Variants in SLC26A8 observed in about 807,000 individuals in gnomAD.
SLC26A8 encodes solute carrier family 26 member 8, also known as testis anion transporter 1.
In SLC26A8, 70 loss-of-function variants were observed where a neutral mutation model predicts 105.0. The ratio of observed to expected loss-of-function variants is 0.67; its 90% CI spans 0.55 to 0.81. SLC26A8 has a LOEUF of 0.81. Among genes scored for constraint, SLC26A8 ranks in the 40% least tolerant of loss-of-function variants. The probability of loss-of-function intolerance (pLI) is 0.00; values close to 1 mark genes in which losing one functional copy is unlikely to be tolerated. For synonymous variants in SLC26A8, 415 were observed against 438.3 expected (o/e 0.95, Z 0.66); for missense variants, 998 against 1,181.8 (o/e 0.84, Z 2.28).
At position 35,955,299 on chromosome 6, in the gene SLC26A8, T is replaced by C; in HGVS notation, c.2085A>G (p.Pro695=). The change falls in exon 17 of 20, where the codon CCA becomes CCG. Residue 695 remains proline, a synonymous_variant. Transcript: ENST00000490799. ...LPNNSSRNSS[P]GLPDVAESQG... Reference sequence around the variant, plus strand: ...GGCTTTCCGCCACATCAGGCAGTCCTGGTGAGCTGTTTCTTGATGAGTTAT... The same window carrying C: ...GGCTTTCCGCCACATCAGGCAGTCCCGGTGAGCTGTTTCTTGATGAGTTAT... 1 of 1,614,220 alleles carries C rather than the reference T, an allele frequency of 6.2e-7. No individual in the cohort carries two copies. Among genetic ancestry groups the C allele is most frequent in the Non-Finnish European group, 8.5e-7 (1 of 1,180,038 alleles).
chr6:35,960,817 G>A, intron 14 of SLC26A8, 26 bp downstream of exon 14: 1 of 1,609,680 alleles, frequency 6.2e-7, no homozygotes, highest in Non-Finnish European at 8.5e-7. Context: ...CTTAGGCAGA[G>A]AAATGGGACC....
At chr6:35,975,945 A>G (rs1194399717) in intron 9 of SLC26A8, among the ~76,000 whole-genome samples, 1 of 151,892 alleles carries the variant, frequency 6.6e-6, no homozygotes, top group Non-Finnish European at 1.5e-5. Context: ...ATTAGAACAA[A>G]AGGATGGCAC....
intron 7 of SLC26A8, chr6:35,989,927 C>CTTTTTTTTTTTTTTTTTTTTTTTTTTTT (rs869306115): frequency 2.4e-5 from 2 of 84,572 alleles, no homozygotes; most frequent in African/African-American, 1.0e-4. Flanking sequence ...GTTTTCTTTT[C>CTTTTTTTTTTTTTTTTTTTTTTTTTTTT]TTTTTTTTTT....
In SLC26A8 at chr6:35,955,135, GCCTCCT is replaced by G; in HGVS notation, c.2232+11_2232+16del. 1 of 1,613,906 alleles carries G rather than the reference GCCTCCT, an allele frequency of 6.2e-7. No individual in the cohort carries two copies. Among genetic ancestry groups the G allele is most frequent in the Non-Finnish European group, 8.5e-7 (1 of 1,179,956 alleles). The stretch of plus-strand genomic sequence containing the variant: ...GAGGGGGATCAGAGCTCCTGCCAAG[GCCTCCT>G]CAGTACTTACCTGTCTTAATACGAC... On this transcript the variant is annotated intron_variant, in intron 17 of 19. Coordinates refer to ENST00000490799, the MANE Select transcript of SLC26A8 (RefSeq NM_052961.4).
At chr6:36,020,119 T>C (rs1296624174) in intron 1 of SLC26A8, among the ~76,000 whole-genome samples, 1 of 152,242 alleles carries the variant, frequency 6.6e-6, no homozygotes, top group African/African-American at 2.4e-5. Flanking sequence ...AAGTGCTCAA[T>C]ACAAGTCTTG....
intron 17 of SLC26A8, among the ~76,000 whole-genome samples, chr6:35,953,270 G>A (rs1307071356): frequency 6.6e-6 from 1 of 152,164 alleles, no homozygotes; most frequent in African/African-American, 2.4e-5. Context: ...GTGGGTGGGT[G>A]CTGCCAAGGA....
intron 3 of SLC26A8, 69 bp downstream of exon 3, chr6:36,012,164 T>C: frequency 6.4e-7 from 1 of 1,559,086 alleles, no homozygotes; most frequent in Non-Finnish European, 8.6e-7. Context: ...CAAGTAATTG[T>C]TTACCCTGGG....
intron 11 of SLC26A8, among the ~76,000 whole-genome samples, chr6:35,964,085 T>C (rs1290498368): frequency 6.6e-6 from 1 of 151,986 alleles, no homozygotes; most frequent in African/African-American, 2.4e-5. Flanking sequence ...AGCATGCAAC[T>C]ACAGTCCCAG....
At position 35,982,147 on chromosome 6, in the gene SLC26A8, C is replaced by G; in HGVS notation, c.999G>C (p.Gln333His). The G allele has an allele frequency of 6.2e-7, 1 of 1,614,122 alleles. No homozygotes were observed. The highest frequency in any genetic ancestry group is 8.5e-7 in the Non-Finnish European group (1 of 1,180,030). ...NKISMATETSQTLIDMIPYSF... is the reference protein window; with the variant it reads ...NKISMATETSHTLIDMIPYSF... ...TATAAGGAATCATGTCAATAAGCGT[C>G]TGGCTGGTTTCTGTGGCCATGCTTA... is the stretch of plus-strand genomic sequence containing the variant. The change falls in exon 8 of 20, where the codon CAG (glutamine) becomes CAC (histidine). Residue 333 changes from glutamine (Q) to histidine (H), a missense_variant. Coordinates refer to ENST00000490799, the MANE Select transcript of SLC26A8 (RefSeq NM_052961.4).
chr6:36,015,741 T>TG (rs200594301), intron 2 of SLC26A8, among the ~76,000 whole-genome samples: 2,044 of 152,040 alleles, frequency 0.013, 53 homozygotes, highest in African/African-American at 0.046. Context: ...GTGAGAGGAC[T>TG]GGGGGGGATA....
chr6:36,015,415 T>C (rs1761969524), intron 2 of SLC26A8, among the ~76,000 whole-genome samples: 1 of 152,122 alleles, frequency 6.6e-6, no homozygotes, highest in African/African-American at 2.4e-5. Flanking sequence ...CCAGCCAGAA[T>C]TGTGCTCTCA....
rs139218243 is a variant in SLC26A8, at chr6:35,951,424, C to T, written c.2287+21G>A. The T allele has an allele frequency of 2.0e-3, 3,193 of 1,614,046 alleles. 64 individuals carry two copies. The South Asian group carries it at 0.023, about 11-fold the overall frequency. On this transcript the variant is annotated intron_variant, in intron 18 of 19. Transcript: ENST00000490799. ...GACCCAGGGTGCAAAACAGCCCTCTCATAGGGTGAAGGATACTCACAGTGA... is the reference window on the plus strand; with the variant it reads ...GACCCAGGGTGCAAAACAGCCCTCTTATAGGGTGAAGGATACTCACAGTGA...
At chr6:36,000,734 A>G (rs1761497209) in intron 3 of SLC26A8, among the ~76,000 whole-genome samples, 1 of 152,212 alleles carries the variant, frequency 6.6e-6, no homozygotes, top group Non-Finnish European at 1.5e-5. Flanking sequence ...CTCAATTTAC[A>G]TCATACTGAT....
At chr6:35,956,241 G>T (rs1192346478) in intron 16 of SLC26A8, among the ~76,000 whole-genome samples, 1 of 151,470 alleles carries the variant, frequency 6.6e-6, no homozygotes, top group Non-Finnish European at 1.5e-5. Context: ...CTCCAGCCTG[G>T]GTGACACAGT....
At chr6:35,957,265 TA>T (rs1423864901) in intron 16 of SLC26A8, among the ~76,000 whole-genome samples, 1 of 151,346 alleles carries the variant, frequency 6.6e-6, no homozygotes, top group East Asian at 1.9e-4. Context: ...ATGAGAACTA[TA>T]AAGCACAAGG....
chr6:35,972,611 G>A (rs1772839838), intron 10 of SLC26A8, among the ~76,000 whole-genome samples: 1 of 152,178 alleles, frequency 6.6e-6, no homozygotes, highest in Non-Finnish European at 1.5e-5. Context: ...AGGCCTCAGG[G>A]AGGGCTTCTC....
At position 35,955,233 on chromosome 6, in the gene SLC26A8, T is replaced by C. The variant is rs1246016022; in HGVS notation, c.2151A>G (p.Leu717=). Residue 717 remains leucine, a synonymous_variant, in exon 17 of 20, where the codon CTA becomes CTG. Coordinates refer to ENST00000490799, the MANE Select transcript of SLC26A8 (RefSeq NM_052961.4). ...GGATGATGGTGTGGACACTGGGCAG[T>C]AGAGACGCATCTGAGTAAGGGATGA... ...RSLIPYSDAS[L]LPSVHTIILD... is the part of the protein sequence containing the mutation. 5.0e-6 allele frequency: 8 copies of C among 1,614,012 alleles called. No homozygotes were observed. Among genetic ancestry groups the C allele is most frequent in the Non-Finnish European group, 6.8e-6 (8 of 1,180,022 alleles).
chr6:35,995,673 T>C (rs776168464), intron 5 of SLC26A8, among the ~76,000 whole-genome samples: 293 of 151,270 alleles, frequency 1.9e-3, no homozygotes, highest in Non-Finnish European at 3.4e-3. Context: ...CCAGCTATTT[T>C]TTTTTTTTAT....
At chr6:36,012,209 G>T in intron 3 of SLC26A8, 24 bp downstream of exon 3, 1 of 1,607,980 alleles carries the variant, frequency 6.2e-7, no homozygotes, top group South Asian at 1.1e-5. Flanking sequence ...GTCTTTGGAT[G>T]AACAGGCTTC....
Sources: gnomAD v4.1 joint callset for allele counts (sites outside exome capture counted in the v4.1 genomes callset) on GRCh38, gnomAD v4.1.1 for gene constraint, MANE v1.5 for transcripts, NCBI Gene and HGNC (gene_info 2026-07-23, HGNC 2026-07-21) for gene names.